Variants in RNF130 observed in about 807,000 individuals in gnomAD.
RNF130 encodes the protein E3 ubiquitin-protein ligase RNF130.
Under a neutral mutation model 44.6 loss-of-function variants are expected in RNF130, and 21 were observed. That is an observed-to-expected ratio of 0.47 (90% CI 0.33 to 0.68). The LOEUF is 0.68. RNF130 is among the 30% of genes least tolerant of loss of function. The probability of loss-of-function intolerance (pLI) is 0.02; values close to 1 mark genes in which losing one functional copy is unlikely to be tolerated. For missense variants in RNF130, 479 were observed against 560.6 expected (o/e 0.85, Z 1.47); for synonymous variants, 214 against 210.4 (o/e 1.02, Z -0.15).
chr5:180,055,707 C>T (rs1205753697), intron 1 of RNF130, among the ~76,000 whole-genome samples: 1 of 152,150 alleles, frequency 6.6e-6, no homozygotes, highest in Non-Finnish European at 1.5e-5. Flanking sequence ...TGGACAAATG[C>T]CTTTTTTTAA....
In RNF130 at chr5:180,038,406, G is replaced by GT. The variant is rs71591454; in HGVS notation, c.442+2046dup. On this transcript the variant is annotated intron_variant, in intron 2 of 8. Transcript: ENST00000521389. ...GGGGAGGGGGAAAAAAAAAAAGCCT[G>GT]TTTTGTTTTTTTTTTTATTTTGATT... Among the ~76,000 whole-genome samples the GT allele has an allele frequency of 1.9e-3, 185 of 95,720 alleles. 3 individuals carry two copies. Among genetic ancestry groups the GT allele is most frequent in the South Asian group, 0.011 (19 of 1,776 alleles). 62.8% of individuals were successfully genotyped at this position (95,720 alleles called of 152,430 possible).
chr5:179,963,515 G>C lies in RNF130; in HGVS notation c.1200C>G (p.Leu400=). ...ASFGLLSALT[L]CYMIIRATAS... ...CTGTGGCTCTGATGATCATGTAGCAGAGTGTGAGGGCACTGAGGAGGCCAA... is the reference window on the plus strand; with the variant it reads ...CTGTGGCTCTGATGATCATGTAGCACAGTGTGAGGGCACTGAGGAGGCCAA... The change falls in exon 8 of 9, where the codon CTC becomes CTG. Residue 400 remains leucine, a synonymous_variant. Transcript: ENST00000521389. 6.2e-7 allele frequency: 1 copy of C among 1,614,084 alleles called. No individual in the cohort carries two copies. The highest frequency in any genetic ancestry group is 8.5e-7 in the Non-Finnish European group (1 of 1,179,924).
At chr5:180,021,597 C>T (rs1269839324) in intron 2 of RNF130, among the ~76,000 whole-genome samples, 2 of 151,794 alleles carry the variant, frequency 1.3e-5, no homozygotes, top group Non-Finnish European at 2.9e-5. Flanking sequence ...ATTCTAGAGT[C>T]CCAAATCATT....
intron 7 of RNF130, among the ~76,000 whole-genome samples, chr5:179,926,186 T>C (rs1761705605): frequency 6.6e-6 from 1 of 152,210 alleles, no homozygotes; most frequent in Non-Finnish European, 1.5e-5. Flanking sequence ...GTCAGTGAAC[T>C]ACGTAAACTC....
intron 1 of RNF130, among the ~76,000 whole-genome samples, chr5:180,064,238 G>C (rs1765047805): frequency 6.6e-6 from 1 of 152,186 alleles, no homozygotes; most frequent in Non-Finnish European, 1.5e-5. Context: ...TGTCACTGGA[G>C]TTGGAGAAGA....
intron 7 of RNF130, chr5:179,940,072 T>C: frequency 9.5e-6 from 2 of 210,274 alleles, no homozygotes; most frequent in South Asian, 8.1e-5. Flanking sequence ...TCGGTGTCAT[T>C]CTCCAACATG....
intron 7 of RNF130, chr5:179,939,745 A>T (rs1365901835): frequency 2.2e-6 from 1 of 450,394 alleles, no homozygotes. Context: ...AAAGCGGAGA[A>T]AAACGACCCC....
chr5:180,005,097 C>T (rs1195528075), intron 3 of RNF130, among the ~76,000 whole-genome samples: 3 of 152,166 alleles, frequency 2.0e-5, no homozygotes, highest in Non-Finnish European at 4.4e-5. Flanking sequence ...AAGTCTCTCG[C>T]ACCAGAAAAG....
chr5:180,028,771 T>C (rs1227157856), intron 2 of RNF130, among the ~76,000 whole-genome samples: 1 of 152,198 alleles, frequency 6.6e-6, no homozygotes, highest in Non-Finnish European at 1.5e-5. Context: ...TCGATACCTG[T>C]TGATTAACTA....
downstream of RNF130, among the ~76,000 whole-genome samples, chr5:179,953,227 T>G (rs766634620): frequency 6.6e-6 from 1 of 151,940 alleles, no homozygotes; most frequent in Non-Finnish European, 1.5e-5. Flanking sequence ...TGCTCATGAG[T>G]TGGAAGACAA....
intron 2 of RNF130, among the ~76,000 whole-genome samples, chr5:180,018,116 G>A (rs1437663792): frequency 2.6e-5 from 4 of 152,032 alleles, no homozygotes; most frequent in South Asian, 2.1e-4. Context: ...CCAATATGGC[G>A]AAACCCCATC....
chr5:180,029,513 A>C (rs1764072180), intron 2 of RNF130, among the ~76,000 whole-genome samples: 1 of 152,248 alleles, frequency 6.6e-6, no homozygotes, highest in African/African-American at 2.4e-5. Flanking sequence ...TTCACACACT[A>C]AGATGAGTAG....
intron 1 of RNF130, among the ~76,000 whole-genome samples, chr5:180,046,495 T>C (rs1424289239): frequency 6.6e-6 from 1 of 152,230 alleles, no homozygotes; most frequent in Non-Finnish European, 1.5e-5. Context: ...CACCATGTTG[T>C]GTAGGCTAAG....
intron 1 of RNF130, among the ~76,000 whole-genome samples, chr5:180,065,442 G>A (rs1765080748): frequency 6.6e-6 from 1 of 152,084 alleles, no homozygotes; most frequent in African/African-American, 2.4e-5. Context: ...ACCCACTTGG[G>A]AAGCTGTACA....
chr5:180,063,295 AAAC>A (rs1315878796), intron 1 of RNF130, among the ~76,000 whole-genome samples: 1 of 152,252 alleles, frequency 6.6e-6, no homozygotes, highest in Non-Finnish European at 1.5e-5. Context: ...TGAAAATGTC[AAAC>A]AACAGATACG....
At chr5:180,030,099 C>T (rs1224441909) in intron 2 of RNF130, among the ~76,000 whole-genome samples, 3 of 152,102 alleles carry the variant, frequency 2.0e-5, no homozygotes, top group Non-Finnish European at 4.4e-5. Context: ...CCGCCTACCT[C>T]GGCCTCCTGA....
intron 3 of RNF130, among the ~76,000 whole-genome samples, chr5:179,999,280 C>T (rs879798093): frequency 2.0e-5 from 3 of 152,002 alleles, no homozygotes; most frequent in Admixed American, 6.6e-5. Flanking sequence ...CTCGGCCTCC[C>T]GAAGTGCTGG....
chr5:180,045,106 C>T lies in RNF130; in HGVS notation c.248-4459G>A, dbSNP rs900984970. Among the ~76,000 whole-genome samples, 8 of 152,036 alleles carry T rather than the reference C, an allele frequency of 5.3e-5. 1 individual carries two copies. Among genetic ancestry groups the T allele is most frequent in the Non-Finnish European group, 8.8e-5 (6 of 68,008 alleles). ...TGAACTCTTGCAAAATTAAGTAAGA[C>T]GATATGTAACAGAGCCTACAACACT... On this transcript the variant is annotated intron_variant, in intron 1 of 8. Transcript: ENST00000521389.
chr5:180,008,989 T>C (rs747772584), intron 3 of RNF130, among the ~76,000 whole-genome samples: 1 of 151,624 alleles, frequency 6.6e-6, no homozygotes, highest in Non-Finnish European at 1.5e-5. Flanking sequence ...AAAAAATACA[T>C]AGGACTGAAT....
Sources: gnomAD v4.1 joint callset for allele counts (sites outside exome capture counted in the v4.1 genomes callset) on GRCh38, gnomAD v4.1.1 for gene constraint, MANE v1.5 for transcripts, NCBI Gene and HGNC (gene_info 2026-07-23, HGNC 2026-07-21) for gene names.